Variants in BBS9 observed in about 807,000 individuals in gnomAD.
BBS9 encodes protein PTHB1.
BBS9 carries 89 observed loss-of-function variants against 117.7 expected under a neutral mutation model. The observed-to-expected ratio is 0.76, with a 90% CI of 0.64 to 0.90. The LOEUF (loss-of-function observed/expected upper bound fraction) is 0.90. Among genes scored for constraint, BBS9 ranks in the 40% least tolerant of loss-of-function variants. The pLI is 0.00. For missense variants in BBS9, 982 were observed against 1,042.2 expected, an observed-to-expected ratio of 0.94 and a Z score of 0.80; for synonymous variants, 379 against 370.9, an observed-to-expected ratio of 1.02 and a Z score of -0.25.
intron 4 of BBS9, among the ~76,000 whole-genome samples, chr7:33,172,820 A>G (rs912088920): frequency 1.2e-4 from 19 of 152,208 alleles, no homozygotes; most frequent in African/African-American, 4.6e-4. Context: ...TTGTATCATC[A>G]TTTGTCTCAA....
chr7:33,422,874 T>C lies in BBS9; in HGVS notation c.2115+34730T>C, dbSNP rs563393666. On this transcript the variant is annotated intron_variant, in intron 19 of 22. Transcript: ENST00000242067. ...ATCCTCTCGCCTTTTCCTCCTAAAG[T>C]GCTGGGATTACAGGCATGAGCCATC... Among the ~76,000 whole-genome samples, 15 of 152,262 alleles carry C rather than the reference T, an allele frequency of 9.9e-5. No homozygotes were observed. The South Asian group carries it at 3.1e-3, about 32-fold the overall frequency.
At chr7:33,340,338 T>G (rs1816252074) in intron 10 of BBS9, among the ~76,000 whole-genome samples, 1 of 152,182 alleles carries the variant, frequency 6.6e-6, no homozygotes, top group Non-Finnish European at 1.5e-5. Flanking sequence ...AAAATATCAG[T>G]ATGTAAAGAT....
intron 20 of BBS9, among the ~76,000 whole-genome samples, chr7:33,532,567 A>C (rs1240355935): frequency 6.6e-6 from 1 of 152,140 alleles, no homozygotes; most frequent in Non-Finnish European, 1.5e-5. Context: ...ATCAGATCTC[A>C]TGAAAACTCA....
chr7:33,222,129 A>G (rs545778723), intron 5 of BBS9, among the ~76,000 whole-genome samples: 92 of 152,172 alleles, frequency 6.0e-4, no homozygotes, highest in Non-Finnish European at 9.8e-4. Context: ...ACTCTATGAA[A>G]CTTTTAAATT....
chr7:33,303,359 A>C (rs567996078), intron 9 of BBS9, among the ~76,000 whole-genome samples: 1 of 152,218 alleles, frequency 6.6e-6, no homozygotes, highest in South Asian at 2.1e-4. Flanking sequence ...GAGAAAAGTC[A>C]ATTTTTCCCT....
chr7:33,608,306 T>G (rs1018593431), downstream of BBS9, among the ~76,000 whole-genome samples: 36 of 152,166 alleles, frequency 2.4e-4, no homozygotes, highest in Non-Finnish European at 2.9e-5. Flanking sequence ...GCACCTAGGT[T>G]GATTCCATGT....
At chr7:33,285,155 A>G (rs1277324796) in intron 9 of BBS9, among the ~76,000 whole-genome samples, 1 of 152,158 alleles carries the variant, frequency 6.6e-6, no homozygotes, top group Non-Finnish European at 1.5e-5. Flanking sequence ...TCAAGAGGGT[A>G]GTTATAAAAT....
chr7:33,466,928 G>A (rs983060805), intron 19 of BBS9, among the ~76,000 whole-genome samples: 5 of 151,846 alleles, frequency 3.3e-5, no homozygotes, highest in South Asian at 2.1e-4. Context: ...AGGGTGAGCC[G>A]GTTTCTGATG....
At chr7:33,136,438 T>A (rs1005675263) in intron 1 of BBS9, among the ~76,000 whole-genome samples, 1 of 152,224 alleles carries the variant, frequency 6.6e-6, no homozygotes, top group Non-Finnish European at 1.5e-5. Context: ...TTGTGCCTGA[T>A]CTTAGGAGGA....
chr7:33,155,503 G>A, intron 3 of BBS9, 135 bp from the exon 4 acceptor site: 3 of 627,600 alleles, frequency 4.8e-6, no homozygotes. Flanking sequence ...TTTCAGTTTA[G>A]AATGTTATCT....
At chr7:33,408,320 A>C (rs914870596) in intron 19 of BBS9, among the ~76,000 whole-genome samples, 1 of 151,960 alleles carries the variant, frequency 6.6e-6, no homozygotes, top group Admixed American at 6.5e-5. Context: ...GAGTGGCCTG[A>C]TTTTCCAGGT....
At position 33,477,367 on chromosome 7, in the gene BBS9, G is replaced by A. The variant is rs144376614; in HGVS notation, c.2116-28096G>A. Among the ~76,000 whole-genome samples, 36 of 152,226 alleles carry A rather than the reference G, an allele frequency of 2.4e-4. 1 individual carries two copies. The East Asian group carries it at 5.4e-3, about 23-fold the overall frequency. ...ATAGGAAATAAGGGTGAAAATGTAC[G>A]TCAAAGAGAAAAGTCCATTTGAATG... On this transcript the variant is annotated intron_variant, in intron 19 of 22. Coordinates refer to ENST00000242067, the MANE Select transcript of BBS9 (RefSeq NM_198428.3).
intron 7 of BBS9, among the ~76,000 whole-genome samples, chr7:33,270,789 C>G (rs1799663857): frequency 6.6e-6 from 1 of 152,168 alleles, no homozygotes; most frequent in Non-Finnish European, 1.5e-5. Context: ...AAACCTCTCT[C>G]AGGATATCAT....
intron 9 of BBS9, among the ~76,000 whole-genome samples, chr7:33,286,401 C>T (rs1386570782): frequency 6.6e-6 from 1 of 152,126 alleles, no homozygotes; most frequent in Admixed American, 6.6e-5. Flanking sequence ...TAAGCACATA[C>T]CTTCTTGGCC....
intron 5 of BBS9, among the ~76,000 whole-genome samples, chr7:33,188,788 A>G (rs933137605): frequency 1.3e-5 from 2 of 152,180 alleles, no homozygotes; most frequent in Admixed American, 6.5e-5. Flanking sequence ...TTGCACTGGA[A>G]TGAGGAATTC....
At chr7:33,595,627 C>T (rs1045381989) in intron 21 of BBS9, among the ~76,000 whole-genome samples, 13 of 151,984 alleles carry the variant, frequency 8.6e-5, no homozygotes, top group Non-Finnish European at 1.9e-4. Context: ...GACAGTGTGG[C>T]GATTCCTTAA....
chr7:33,225,714 T>TA (rs1791129024), intron 5 of BBS9, among the ~76,000 whole-genome samples: 2 of 151,688 alleles, frequency 1.3e-5, no homozygotes, highest in South Asian at 2.1e-4. Flanking sequence ...TTTTTTTTTT[T>TA]TTGTGGGAAA....
chr7:33,575,657 A>G (rs1858693949), intron 21 of BBS9, among the ~76,000 whole-genome samples: 3 of 152,206 alleles, frequency 2.0e-5, no homozygotes, highest in Admixed American at 6.5e-5. Context: ...AAAATCCTCA[A>G]TAAAATACTG....
At chr7:33,482,895 A>T (rs1842674079) in intron 19 of BBS9, among the ~76,000 whole-genome samples, 1 of 152,300 alleles carries the variant, frequency 6.6e-6, no homozygotes, top group African/African-American at 2.4e-5. Context: ...TTTTCCATTT[A>T]CTATGAATGG....
Sources: gnomAD v4.1 joint callset for allele counts (sites outside exome capture counted in the v4.1 genomes callset) on GRCh38, gnomAD v4.1.1 for gene constraint, MANE v1.5 for transcripts, NCBI Gene and HGNC (gene_info 2026-07-23, HGNC 2026-07-21) for gene names.